GRIK4: variants seen among roughly 807,000 people sequenced by gnomAD.
The protein encoded by GRIK4 is glutamate receptor ionotropic, kainate 4.
GRIK4 carries 40 observed loss-of-function variants against 104.9 expected under a neutral mutation model. That is an observed-to-expected ratio of 0.38 (90% CI 0.30 to 0.50). The LOEUF (loss-of-function observed/expected upper bound fraction) is 0.50, where lower values mean the gene tolerates loss of function less well. Ranked by LOEUF, GRIK4 falls within the 20% of genes least tolerant of loss-of-function variation. The pLI, the probability that GRIK4 is intolerant of heterozygous loss-of-function variation, is 0.93. For missense variants in GRIK4, 1,047 were observed against 1,308.1 expected, an observed-to-expected ratio of 0.80 and a Z score of 3.08; for synonymous variants, 485 against 524.9, an observed-to-expected ratio of 0.92 and a Z score of 1.04.
At chr11:120,548,979 T>C (rs1333934732) in intron 1 of GRIK4, among the ~76,000 whole-genome samples, 1 of 152,204 alleles carries the variant, frequency 6.6e-6, no homozygotes, top group Non-Finnish European at 1.5e-5. Flanking sequence ...AGGCTTGACC[T>C]AGCTCCAGGC....
In GRIK4 at chr11:120,836,987, G is replaced by A. The variant is rs777703166; in HGVS notation, c.744+143G>A. ...CAGAAGCCAACCAGAGAGGCAGGGCGTCCTGGAAATTCTCATCCCAATAAT... is the reference window on the plus strand; with the variant it reads ...CAGAAGCCAACCAGAGAGGCAGGGCATCCTGGAAATTCTCATCCCAATAAT... On this transcript the variant is annotated intron_variant, in intron 8 of 20. Transcript: ENST00000527524. The A allele has an allele frequency of 4.2e-5, 25 of 599,970 alleles. 1 individual carries two copies. Among genetic ancestry groups the A allele is most frequent in the Middle Eastern group, 2.7e-4 (1 of 3,738 alleles). 37.2% of individuals were successfully genotyped at this position (599,970 alleles called of 1,614,324 possible). A position where few individuals can be genotyped will look rare whatever the true frequency, so the allele number is the denominator to read the frequency against.
chr11:120,982,744 G>A (rs1365448973), intron 20 of GRIK4, among the ~76,000 whole-genome samples: 1 of 142,214 alleles, frequency 7.0e-6, no homozygotes, highest in Non-Finnish European at 1.5e-5. Flanking sequence ...TGCATTATTA[G>A]ATTTTTTTTA....
intron 13 of GRIK4, among the ~76,000 whole-genome samples, chr11:120,906,711 G>A (rs1942875690): frequency 6.6e-6 from 1 of 152,234 alleles, no homozygotes; most frequent in African/African-American, 2.4e-5. Context: ...AAAGTCCTAT[G>A]TAGATGAGAA....
At chr11:120,590,852 G>A (rs1948724374) in intron 1 of GRIK4, among the ~76,000 whole-genome samples, 1 of 152,262 alleles carries the variant, frequency 6.6e-6, no homozygotes, top group South Asian at 2.1e-4. Flanking sequence ...GATGGGTACT[G>A]CTATCTCTGT....
chr11:120,521,933 A>G (rs896444985), intron 1 of GRIK4, among the ~76,000 whole-genome samples: 1 of 152,180 alleles, frequency 6.6e-6, no homozygotes, highest in Non-Finnish European at 1.5e-5. Context: ...GAAAGCTGAC[A>G]TCATTGAGCA....
chr11:120,845,357 A>G (rs1953824736), intron 8 of GRIK4, among the ~76,000 whole-genome samples: 1 of 152,138 alleles, frequency 6.6e-6, no homozygotes, highest in African/African-American at 2.4e-5. Flanking sequence ...ATCTCATAAC[A>G]TTATTTTGTG....
At chr11:120,689,675 A>C (rs1950327301) in intron 3 of GRIK4, among the ~76,000 whole-genome samples, 1 of 150,972 alleles carries the variant, frequency 6.6e-6, no homozygotes, top group Non-Finnish European at 1.5e-5. Context: ...ATCACATATC[A>C]CCTCCTTTCT....
chr11:120,854,405 A>G (rs895710562), intron 8 of GRIK4, among the ~76,000 whole-genome samples: 1 of 152,222 alleles, frequency 6.6e-6, no homozygotes, highest in Non-Finnish European at 1.5e-5. Flanking sequence ...TATAACCCAA[A>G]TGGGTGCAAG....
intron 1 of GRIK4, among the ~76,000 whole-genome samples, chr11:120,567,061 C>T (rs577995720): frequency 4.2e-5 from 6 of 144,178 alleles, no homozygotes; most frequent in East Asian, 2.0e-4. Flanking sequence ...GGTTGTGCTG[C>T]GCTGCTGCCT....
chr11:120,822,399 A>G (rs1386658744), intron 6 of GRIK4, among the ~76,000 whole-genome samples: 1 of 152,064 alleles, frequency 6.6e-6, no homozygotes, highest in Non-Finnish European at 1.5e-5. Flanking sequence ...CATAATTAGT[A>G]AGTGGTAGAG....
chr11:120,943,990 G>A lies in GRIK4; in HGVS notation c.1590+3530G>A, dbSNP rs186294860. Among the ~76,000 whole-genome samples, 474 of 152,246 alleles carry A rather than the reference G, an allele frequency of 3.1e-3. 2 individuals carry two copies. Among genetic ancestry groups the A allele is most frequent in the African/African-American group, 0.011 (446 of 41,520 alleles). Reference sequence around the variant, plus strand: ...ATATTTACCTTCTTCCTAACACTGGGTATAATCTCTGTTTCTGTTCAGGCA... The same window carrying A: ...ATATTTACCTTCTTCCTAACACTGGATATAATCTCTGTTTCTGTTCAGGCA... On this transcript the variant is annotated intron_variant, in intron 14 of 20. Transcript: ENST00000527524.
rs148863008 is a variant in GRIK4, at chr11:120,968,071, T to C, written c.2395+748T>C. Reference sequence around the variant, plus strand: ...AGTTTCATGAGGGTAGGGTTGGTCATCACAGGGCTGCCCAAAGAGCTGGAC... The same window carrying C: ...AGTTTCATGAGGGTAGGGTTGGTCACCACAGGGCTGCCCAAAGAGCTGGAC... On this transcript the variant is annotated intron_variant, in intron 19 of 20. Coordinates refer to ENST00000527524, the MANE Select transcript of GRIK4 (RefSeq NM_014619.5). 4.9e-3 allele frequency among the ~76,000 whole-genome samples: 746 copies of C among 152,350 alleles called. 5 individuals are homozygous for C. Among genetic ancestry groups the C allele is most frequent in the Non-Finnish European group, 8.4e-3 (573 of 68,034 alleles).
intron 3 of GRIK4, among the ~76,000 whole-genome samples, chr11:120,758,575 G>A (rs1951692511): frequency 1.3e-5 from 2 of 152,272 alleles, no homozygotes; most frequent in South Asian, 2.1e-4. Flanking sequence ...GAGAAATCCC[G>A]TAGTAAAGGC....
At chr11:120,628,175 G>A (rs948887579) in intron 1 of GRIK4, among the ~76,000 whole-genome samples, 23 of 152,152 alleles carry the variant, frequency 1.5e-4, no homozygotes, top group African/African-American at 2.4e-4. Flanking sequence ...TGAGAAACTC[G>A]GAGGCTTGGT....
At chr11:120,973,064 G>A (rs957521327) in intron 19 of GRIK4, among the ~76,000 whole-genome samples, 5 of 152,108 alleles carry the variant, frequency 3.3e-5, no homozygotes, top group Non-Finnish European at 7.4e-5. Flanking sequence ...GGGAAGAAGA[G>A]GGAATGGAGA....
rs183316982 is a variant in GRIK4 at position 120,922,923 on chromosome 11, T to C, written c.1477-17424T>C. On this transcript the variant is annotated intron_variant, in intron 13 of 20. Transcript: ENST00000527524. ...GCAACAATGCAAAGGCCCAGATCCT[T>C]AGAAATAGCAGCATGTAGTATGGTC... Among the ~76,000 whole-genome samples the C allele has an allele frequency of 2.5e-3, 385 of 152,346 alleles. 2 individuals are homozygous for C. The highest frequency in any genetic ancestry group is 8.5e-3 in the African/African-American group (354 of 41,572).
Position 120,549,409 on chromosome 11 carries a change from G to T in GRIK4, c.-159+37522G>T, listed in dbSNP as rs1680887915. Among the ~76,000 whole-genome samples the T allele has an allele frequency of 6.6e-6, 1 of 152,114 alleles. No homozygotes were observed. The highest frequency in any genetic ancestry group is 6.5e-5 in the Admixed American group (1 of 15,274). On this transcript the variant is annotated intron_variant, in intron 1 of 20. Transcript: ENST00000527524. The surrounding 1 kb of genome is among the most constrained non-coding windows in gnomAD (Gnocchi z 4.7). ...GCGTGAGCCACCGCGCCCGGCCTTG[G>T]CTGTTCTTTAATAGAAGGAACATGT...
chr11:120,650,191 C>T (rs930378529), intron 1 of GRIK4, among the ~76,000 whole-genome samples: 1 of 152,196 alleles, frequency 6.6e-6, no homozygotes, highest in Non-Finnish European at 1.5e-5. Context: ...GGGCTCCTTG[C>T]CTTTTCTGTG....
chr11:120,727,625 A>G (rs569794972), intron 3 of GRIK4, among the ~76,000 whole-genome samples: 118 of 152,284 alleles, frequency 7.7e-4, no homozygotes, highest in Non-Finnish European at 9.3e-4. Context: ...GCAGAAAAAA[A>G]TAAAAACCTA....
Sources: gnomAD v4.1 joint callset for allele counts (sites outside exome capture counted in the v4.1 genomes callset) on GRCh38, gnomAD v4.1.1 for gene constraint, Gnocchi (gnomAD v3.1) non-coding constraint, MANE v1.5 for transcripts, NCBI Gene and HGNC (gene_info 2026-07-23, HGNC 2026-07-21) for gene names.